The following DLGAP1 variants were observed in gnomAD, a reference collection of about 807,000 sequenced individuals.
DLGAP1 encodes the protein DLG associated protein 1, also known as disks large-associated protein 1.
Under a neutral mutation model 90.8 loss-of-function variants are expected in DLGAP1, and 11 were observed. The ratio of observed to expected loss-of-function variants is 0.12; its 90% CI spans 0.08 to 0.20. The LOEUF (loss-of-function observed/expected upper bound fraction) is 0.20. Ranked by LOEUF, DLGAP1 falls within the 10% of genes least tolerant of loss-of-function variation. DLGAP1 has a pLI of 1.00. For synonymous variants in DLGAP1, 558 were observed against 540.7 expected (o/e 1.03, Z -0.44); for missense variants, 1,050 against 1,333.8 (o/e 0.79, Z 3.31).
intron 3 of DLGAP1, among the ~76,000 whole-genome samples, chr18:3,957,894 C>CTTT (rs1290209868): frequency 7.2e-6 from 1 of 139,264 alleles, no homozygotes; most frequent in African/African-American, 2.6e-5. Flanking sequence ...CTATTCCATA[C>CTTT]TTTTTTTTTT....
chr18:4,417,586 G>A (rs1051832821), intron 1 of DLGAP1, among the ~76,000 whole-genome samples: 2 of 152,096 alleles, frequency 1.3e-5, no homozygotes, highest in African/African-American at 2.4e-5. Flanking sequence ...ACAATGAAAA[G>A]CTGGAGAAAC....
At chr18:4,264,234 A>G (rs2079059203) in intron 1 of DLGAP1, among the ~76,000 whole-genome samples, 1 of 152,188 alleles carries the variant, frequency 6.6e-6, no homozygotes, top group South Asian at 2.1e-4. Context: ...TGGAAAGTGC[A>G]TCCATTTGCT....
chr18:4,135,071 ACT>A (rs889751686), intron 2 of DLGAP1, among the ~76,000 whole-genome samples: 1 of 152,092 alleles, frequency 6.6e-6, no homozygotes, highest in African/African-American at 2.4e-5. Flanking sequence ...TGATCTCCAA[ACT>A]CTCTCTGACT....
At chr18:3,719,669 G>A (rs1598450948) in intron 7 of DLGAP1, among the ~76,000 whole-genome samples, 1 of 151,904 alleles carries the variant, frequency 6.6e-6, no homozygotes, top group East Asian at 1.9e-4. Context: ...ACTGTGTGAG[G>A]GGTACAGGGA....
chr18:3,983,176 T>C (rs1453795027), intron 3 of DLGAP1: 1 of 152,196 alleles, frequency 6.6e-6, no homozygotes, highest in Non-Finnish European at 1.5e-5. Flanking sequence ...TTTTTTCTTA[T>C]TCATTAATTT....
At chr18:3,731,555 G>A (rs1465108245) in intron 6 of DLGAP1, among the ~76,000 whole-genome samples, 3 of 147,584 alleles carry the variant, frequency 2.0e-5, no homozygotes, top group Non-Finnish European at 4.4e-5. Context: ...CCACAGGTAC[G>A]CACCACCACG....
At chr18:3,741,023 C>CCACCATCACCACCATCACCT (rs1568047676) in intron 6 of DLGAP1, among the ~76,000 whole-genome samples, 13 of 121,688 alleles carry the variant, frequency 1.1e-4, no homozygotes, top group African/African-American at 3.2e-4. Flanking sequence ...ACCATCACCA[C>CCACCATCACCACCATCACCT]CACCACCACC....
intron 2 of DLGAP1, among the ~76,000 whole-genome samples, chr18:4,123,683 G>T (rs1036426831): frequency 1.3e-5 from 2 of 152,140 alleles, no homozygotes; most frequent in African/African-American, 2.4e-5. Flanking sequence ...GCAATGGAAC[G>T]GCGCCAGCAA....
At chr18:3,976,933 T>C (rs2149018846) in intron 3 of DLGAP1, among the ~76,000 whole-genome samples, 1 of 152,352 alleles carries the variant, frequency 6.6e-6, no homozygotes, top group South Asian at 2.1e-4. Flanking sequence ...TTTGCATTTC[T>C]CTTAGATTAC....
At chr18:4,344,227 A>G (rs948085962) in intron 1 of DLGAP1, among the ~76,000 whole-genome samples, 1 of 152,210 alleles carries the variant, frequency 6.6e-6, no homozygotes, top group Admixed American at 6.5e-5. Context: ...TTTGTCATGC[A>G]CTATGCGTTA....
intron 2 of DLGAP1, among the ~76,000 whole-genome samples, chr18:4,111,312 A>C (rs1403865226): frequency 6.6e-6 from 1 of 152,022 alleles, no homozygotes; most frequent in Admixed American, 6.6e-5. Context: ...TCAGTTTGCT[A>C]GTGTTTTGTT....
At chr18:4,412,545 G>A (rs1272118615) in intron 1 of DLGAP1, among the ~76,000 whole-genome samples, 1 of 152,198 alleles carries the variant, frequency 6.6e-6, no homozygotes, top group Non-Finnish European at 1.5e-5. Flanking sequence ...TGCATGGCTA[G>A]AGCTGAGAGG....
chr18:3,823,127 G>T (rs1263315447), intron 4 of DLGAP1, among the ~76,000 whole-genome samples: 1 of 152,180 alleles, frequency 6.6e-6, no homozygotes, highest in African/African-American at 2.4e-5. Context: ...TTTGCTTTGG[G>T]AAAAGCTTTC....
chr18:4,382,218 C>A (rs896918970), intron 1 of DLGAP1, among the ~76,000 whole-genome samples: 3 of 152,144 alleles, frequency 2.0e-5, no homozygotes, highest in Non-Finnish European at 2.9e-5. Context: ...TCAGACTCTG[C>A]AGTCAGATGC....
At chr18:3,995,413 T>C (rs777073208) in intron 3 of DLGAP1, 10 of 152,212 alleles carry the variant, frequency 6.6e-5, no homozygotes, top group Non-Finnish European at 1.3e-4. Context: ...TCTCTGGCAA[T>C]GCTCTACTCT....
Position 4,171,817 on chromosome 18 carries a change from T to G in DLGAP1, c.-266-20530A>C, listed in dbSNP as rs567639993. Among the ~76,000 whole-genome samples, 50 of 152,316 alleles carry G rather than the reference T, an allele frequency of 3.3e-4. 1 individual carries two copies. The highest frequency in any genetic ancestry group is 3.1e-3 in the Admixed American group (47 of 15,304). ...TTATGTACTTCTAAGTAGTAAAATC[T>G]TGATTCCCCAGTATTAAGCCAACTT... is the stretch of plus-strand genomic sequence containing the variant. On this transcript the variant is annotated intron_variant, in intron 1 of 12. Coordinates refer to ENST00000315677, the MANE Select transcript of DLGAP1 (RefSeq NM_004746.4).
At chr18:4,406,855 A>C (rs1272686101) in intron 1 of DLGAP1, among the ~76,000 whole-genome samples, 1 of 152,226 alleles carries the variant, frequency 6.6e-6, no homozygotes, top group African/African-American at 2.4e-5. Flanking sequence ...TTTATGAGAA[A>C]GTGCAAACTG....
chr18:4,362,605 G>A (rs139142310), intron 1 of DLGAP1, among the ~76,000 whole-genome samples: 1 of 152,134 alleles, frequency 6.6e-6, no homozygotes, highest in African/African-American at 2.4e-5. Context: ...ACTGTTTAAT[G>A]GGTACAGAGT....
At chr18:4,363,427 G>A (rs914674878) in intron 1 of DLGAP1, among the ~76,000 whole-genome samples, 3 of 152,138 alleles carry the variant, frequency 2.0e-5, no homozygotes, top group Non-Finnish European at 4.4e-5. Flanking sequence ...TAATTCACAG[G>A]ATAACTAAGC....
Sources: allele counts gnomAD v4.1 joint callset (sites outside exome capture counted in the v4.1 genomes callset), GRCh38; gene constraint gnomAD v4.1.1; transcripts MANE v1.5; gene names NCBI Gene and HGNC (gene_info 2026-07-23, HGNC 2026-07-21).